Variants in ZNF184 observed in about 807,000 individuals in gnomAD.
ZNF184 encodes zinc finger protein 184 (Kruppel-like).
A neutral mutation model predicts 54.4 loss-of-function variants in ZNF184; 16 were observed. That is an observed-to-expected ratio of 0.29 (90% CI 0.20 to 0.45). ZNF184 has a LOEUF of 0.45. Ranked by LOEUF, ZNF184 falls within the 20% of genes least tolerant of loss-of-function variation. ZNF184 has a pLI of 1.00. For missense variants in ZNF184, 681 were observed against 888.2 expected (o/e 0.77, Z 2.97); for synonymous variants, 254 against 295.3 (o/e 0.86, Z 1.43).
At chr6:27,429,924 A>G in the ZNF184 span, among the ~76,000 whole-genome samples, 1 of 152,226 alleles carries the variant, frequency 6.6e-6, no homozygotes, top group African/African-American at 2.4e-5. Flanking sequence ...GGAAATAAAG[A>G]CCCAAAGAAA....
chr6:27,468,592 A>C (rs967989569), intron 2 of ZNF184, among the ~76,000 whole-genome samples: 5 of 152,228 alleles, frequency 3.3e-5, no homozygotes, highest in Admixed American at 6.5e-5. Flanking sequence ...AGATTTATTC[A>C]TAATATCTCA....
the ZNF184 span, among the ~76,000 whole-genome samples, chr6:27,410,259 G>A: frequency 1.3e-5 from 2 of 152,186 alleles, no homozygotes; most frequent in Non-Finnish European, 2.9e-5. Context: ...GATGTTGAAT[G>A]ACTTACACAG....
intron 3 of ZNF184, 70 bp downstream of exon 3, chr6:27,467,783 A>T: frequency 6.9e-7 from 1 of 1,451,732 alleles, no homozygotes; most frequent in Non-Finnish European, 9.4e-7. Flanking sequence ...AATAGAAAAA[A>T]CAAAACAAAA....
In ZNF184 at chr6:27,451,485, G is replaced by A. The variant is rs1762718454; in HGVS notation, c.2074C>T (p.His692Tyr). 4.3e-6 allele frequency: 7 copies of A among 1,614,136 alleles called. No homozygotes were observed. In the East Asian group the frequency reaches 1.6e-4, roughly 36 times the overall value. Residue 692 changes from histidine to tyrosine, a missense_variant, in exon 6 of 6, where the codon CAT becomes TAT. Coordinates refer to ENST00000683788, the MANE Select transcript of ZNF184 (RefSeq NM_001318891.2). ...STHLTEHQNTHTGEKPYNCNE... is the reference protein window; with the variant it reads ...STHLTEHQNTYTGEKPYNCNE... The stretch of plus-strand genomic sequence containing the variant: ...CAGTTATAAGGTTTCTCTCCAGTAT[G>A]AGTATTCTGATGTTCAGTCAGATGA...
downstream of ZNF184, among the ~76,000 whole-genome samples, chr6:27,449,756 T>C (rs760243146): frequency 6.6e-6 from 1 of 150,772 alleles, no homozygotes; most frequent in Non-Finnish European, 1.5e-5. Flanking sequence ...GTCTCTTAAA[T>C]TAAAGAAAAA....
chr6:27,429,426 C>A, the ZNF184 span, among the ~76,000 whole-genome samples: 1 of 152,196 alleles, frequency 6.6e-6, no homozygotes, highest in Non-Finnish European at 1.5e-5. Context: ...CAATGTTAAC[C>A]TATGTCCCTC....
chr6:27,432,951 T>C, the ZNF184 span, among the ~76,000 whole-genome samples: 4 of 152,218 alleles, frequency 2.6e-5, no homozygotes, highest in Non-Finnish European at 4.4e-5. The surrounding 1 kb of genome is among the most constrained non-coding windows in gnomAD (Gnocchi z 4.0). Context: ...CCAGGCCATC[T>C]GGAGAGACAA....
chr6:27,424,107 C>T, the ZNF184 span, among the ~76,000 whole-genome samples: 8 of 152,194 alleles, frequency 5.3e-5, no homozygotes, highest in African/African-American at 1.2e-4. Context: ...TGTTCAGTTT[C>T]TTCCTTCTGG....
Position 27,472,616 on chromosome 6 carries a change from A to C in ZNF184, c.-140+113T>G, listed in dbSNP as rs1763306263. 2.9e-6 allele frequency: 1 copy of C among 344,910 alleles called. No homozygotes were observed. 21.4% of individuals were successfully genotyped at this position (344,910 alleles called of 1,614,324 possible). A position where few individuals can be genotyped will look rare whatever the true frequency, so the allele number is the denominator to read the frequency against. ...CGCGGGTTCTGCTTCAGATCCAAAA[A>C]ACCCTTGGTGCCCACCCTAGAATCT... On this transcript the variant is annotated intron_variant, in intron 1 of 5. Coordinates refer to ENST00000683788, the MANE Select transcript of ZNF184 (RefSeq NM_001318891.2). This position sits in a 1 kb window ranked among gnomAD's most constrained non-coding sequence, Gnocchi z 4.8.
Position 27,457,303 on chromosome 6 carries a change from T to A in ZNF184, c.182A>T (p.Tyr61Phe). 1.9e-6 allele frequency: 3 copies of A among 1,614,034 alleles called. No homozygotes were observed. Among genetic ancestry groups the A allele is most frequent in the Non-Finnish European group, 2.5e-6 (3 of 1,179,980 alleles). The part of the protein sequence containing the change: ...DLFRDVTLEN[Y>F]THLVSIGLQV... The stretch of plus-strand genomic sequence containing the variant: ...CTTACCTATAGAGACCAGGTGTGTA[T>A]AATTTTCCAATGTCACATCCCTGAA... The change falls in exon 4 of 6, where the codon TAT becomes TTT. Residue 61 changes from tyrosine to phenylalanine, a missense_variant. Coordinates refer to ENST00000683788, the MANE Select transcript of ZNF184 (RefSeq NM_001318891.2).
intron 2 of ZNF184, among the ~76,000 whole-genome samples, chr6:27,469,362 G>C (rs1763216837): frequency 6.6e-6 from 1 of 152,220 alleles, no homozygotes; most frequent in Admixed American, 6.5e-5. Flanking sequence ...AATGAGACTG[G>C]CTGGGCAGAG....
intron 5 of ZNF184, among the ~76,000 whole-genome samples, chr6:27,454,812 C>T (rs902230190): frequency 6.6e-6 from 1 of 152,198 alleles, no homozygotes; most frequent in African/African-American, 2.4e-5. Context: ...AGCAATTCTC[C>T]CTTTACTACA....
intron 3 of ZNF184, among the ~76,000 whole-genome samples, chr6:27,461,303 G>A (rs1423139952): frequency 6.6e-6 from 1 of 152,062 alleles, no homozygotes; most frequent in Non-Finnish European, 1.5e-5. Flanking sequence ...TGATTTCTCT[G>A]GACTCTGATT....
chr6:27,467,436 A>C (rs1364022296), intron 3 of ZNF184, among the ~76,000 whole-genome samples: 1 of 152,136 alleles, frequency 6.6e-6, no homozygotes, highest in African/African-American at 2.4e-5. Flanking sequence ...TCTACTAAAA[A>C]TACAAAAAAT....
chr6:27,455,830 G>GT (rs903800673), intron 5 of ZNF184, among the ~76,000 whole-genome samples: 1 of 152,130 alleles, frequency 6.6e-6, no homozygotes, highest in Non-Finnish European at 1.5e-5. Flanking sequence ...CTCTAGAGAC[G>GT]TATCGCTTAC....
chr6:27,471,235 G>C (rs939512409), intron 2 of ZNF184, among the ~76,000 whole-genome samples: 6 of 152,120 alleles, frequency 3.9e-5, no homozygotes, highest in Non-Finnish European at 8.8e-5. Flanking sequence ...TCCGCTAGTG[G>C]CATTAAGTTA....
chr6:27,445,039 T>C, the ZNF184 span, among the ~76,000 whole-genome samples: 1 of 152,144 alleles, frequency 6.6e-6, no homozygotes, highest in Non-Finnish European at 1.5e-5. Flanking sequence ...GGCAAAACAT[T>C]TGTCAATGTC....
At chr6:27,411,652 A>C in the ZNF184 span, among the ~76,000 whole-genome samples, 16 of 152,382 alleles carry the variant, frequency 1.0e-4, no homozygotes, top group Non-Finnish European at 2.2e-4. Flanking sequence ...CGAGGGTAAC[A>C]GTGATCCAGA....
At chr6:27,439,852 T>G in the ZNF184 span, among the ~76,000 whole-genome samples, 1 of 152,222 alleles carries the variant, frequency 6.6e-6, no homozygotes, top group Non-Finnish European at 1.5e-5. Flanking sequence ...GGTCTTGGAA[T>G]GTATCCTCTG....
Sources: allele counts gnomAD v4.1 joint callset (sites outside exome capture counted in the v4.1 genomes callset), GRCh38; gene constraint gnomAD v4.1.1; non-coding constraint Gnocchi (gnomAD v3.1); transcripts MANE v1.5; gene names NCBI Gene and HGNC (gene_info 2026-07-23, HGNC 2026-07-21).